The following PHACTR1 variants were observed in gnomAD, a reference collection of about 807,000 sequenced individuals.
The protein encoded by PHACTR1 is phosphatase and actin regulator 1.
A neutral mutation model predicts 69.2 loss-of-function variants in PHACTR1; 16 were observed. The observed-to-expected ratio is 0.23, with a 90% CI of 0.16 to 0.35. PHACTR1 has a LOEUF of 0.35. Ranked by LOEUF, PHACTR1 falls within the 10% of genes least tolerant of loss-of-function variation. The probability of loss-of-function intolerance (pLI) is 1.00; values close to 1 mark genes in which losing one functional copy is unlikely to be tolerated. For synonymous variants in PHACTR1, 312 were observed against 284.5 expected (o/e 1.10, Z -0.97); for missense variants, 510 against 734.7 (o/e 0.69, Z 3.54).
rs374988384 is a variant in PHACTR1 at position 12,809,053 on chromosome 6, T to G, written c.250+59263T>G. ...CCACCACTCCCAGCTAAGTTTTTTT[T>G]GGTGTGTATTTTTTTGTAGAGATGG... On this transcript the variant is annotated intron_variant, in intron 4 of 14. Transcript: ENST00000332995. Among the ~76,000 whole-genome samples, 633 of 152,032 alleles carry G rather than the reference T, an allele frequency of 4.2e-3. 5 individuals carry two copies. The highest frequency in any genetic ancestry group is 0.015 in the African/African-American group (612 of 41,450).
At chr6:12,722,092 A>G (rs1203523499) in intron 3 of PHACTR1, among the ~76,000 whole-genome samples, 2 of 152,206 alleles carry the variant, frequency 1.3e-5, no homozygotes, top group Admixed American at 6.5e-5. Context: ...AAGTAGCCCC[A>G]ATTTGATTAC....
At chr6:12,876,276 C>T (rs1293410982) in intron 4 of PHACTR1, among the ~76,000 whole-genome samples, 3 of 152,166 alleles carry the variant, frequency 2.0e-5, no homozygotes, top group Admixed American at 6.6e-5. Flanking sequence ...GTGCCTGAGA[C>T]TGTTCTAAAT....
rs1390913813 is a variant in PHACTR1 at position 13,283,144 on chromosome 6, A to AT, written c.1510-270dup. Among the ~76,000 whole-genome samples the AT allele has an allele frequency of 7.2e-6, 1 of 138,660 alleles. No homozygotes were observed. The highest frequency in any genetic ancestry group is 3.3e-5 in the African/African-American group (1 of 30,612). 91.0% of individuals were successfully genotyped at this position (138,660 alleles called of 152,430 possible). On this transcript the variant is annotated intron_variant, in intron 12 of 14. Transcript: ENST00000332995. The surrounding 1 kb of genome is among the most constrained non-coding windows in gnomAD (Gnocchi z 4.7). ...GTTTTGAAAATTTACATAATAAAAGATTTTTTTTAAGTTTAAAAAAAAAAA... is the reference window on the plus strand; with the variant it reads ...GTTTTGAAAATTTACATAATAAAAGATTTTTTTTTAAGTTTAAAAAAAAAAA...
intron 4 of PHACTR1, among the ~76,000 whole-genome samples, chr6:12,877,468 G>T (rs1400977895): frequency 6.6e-6 from 1 of 152,076 alleles, no homozygotes; most frequent in African/African-American, 2.4e-5. Context: ...ACATCATCCA[G>T]CCCTAATCAA....
At chr6:13,154,379 TG>T (rs1420350403) in intron 5 of PHACTR1, among the ~76,000 whole-genome samples, 5 of 152,056 alleles carry the variant, frequency 3.3e-5, no homozygotes, top group Non-Finnish European at 7.4e-5. Flanking sequence ...AGGCTGATCT[TG>T]AACTCCTGAC....
intron 11 of PHACTR1, 140 bp from the exon 12 acceptor site, chr6:13,278,128 A>C (rs895011380): frequency 2.8e-6 from 2 of 705,780 alleles, no homozygotes; most frequent in Non-Finnish European, 4.6e-6. Flanking sequence ...GGAGAAGGGC[A>C]GCTGGGGGAG....
rs190596156 is a variant in PHACTR1 at position 12,894,846 on chromosome 6, A to G, written c.250+145056A>G. Reference sequence around the variant, plus strand: ...AAAAGCAAAAATTAAAATCATTTTAATTTCATCACACAGATCTTGATTAAT... The same window carrying G: ...AAAAGCAAAAATTAAAATCATTTTAGTTTCATCACACAGATCTTGATTAAT... On this transcript the variant is annotated intron_variant, in intron 4 of 14. Coordinates refer to ENST00000332995, the MANE Select transcript of PHACTR1 (RefSeq NM_030948.6). Among the ~76,000 whole-genome samples, 5 of 152,356 alleles carry G rather than the reference A, an allele frequency of 3.3e-5. No homozygotes were observed. In the East Asian group the frequency reaches 9.6e-4, roughly 29 times the overall value.
intron 4 of PHACTR1, among the ~76,000 whole-genome samples, chr6:13,000,536 T>G (rs1165176166): frequency 6.9e-6 from 1 of 145,110 alleles, no homozygotes; most frequent in African/African-American, 2.6e-5. Context: ...CGACAGAGTC[T>G]CCAAAAAAAG....
intron 4 of PHACTR1, among the ~76,000 whole-genome samples, chr6:12,985,528 TAAAA>T (rs149850503): frequency 4.4e-4 from 60 of 134,880 alleles, no homozygotes; most frequent in African/African-American, 7.7e-4. Context: ...TACTACAAAT[TAAAA>T]AAAAAAAAAA....
intron 4 of PHACTR1, among the ~76,000 whole-genome samples, chr6:12,782,792 C>A (rs116105404): frequency 6.6e-6 from 1 of 152,020 alleles, no homozygotes; most frequent in African/African-American, 2.4e-5. Flanking sequence ...ACCCTGATTA[C>A]GGGAAATGAG....
rs531182343 is a variant in PHACTR1, at chr6:13,281,277, G to C, written c.1510-2145G>C. 7 of 440,538 alleles carry C rather than the reference G, an allele frequency of 1.6e-5. No homozygotes were observed. The East Asian group carries it at 4.7e-4, about 30-fold the overall frequency. 27.3% of individuals were successfully genotyped at this position (440,538 alleles called of 1,614,324 possible). ...ACTCAGAAAATAACCCTTTGGGCCG[G>C]GCTCGGTGGCTCATATCTGTAATCC... is the stretch of plus-strand genomic sequence containing the variant. On this transcript the variant is annotated intron_variant, in intron 12 of 14. Transcript: ENST00000332995.
chr6:12,958,328 G>A (rs1792164700), intron 4 of PHACTR1, among the ~76,000 whole-genome samples: 1 of 152,238 alleles, frequency 6.6e-6, no homozygotes, highest in Admixed American at 6.5e-5. Flanking sequence ...GAGTCCTGGT[G>A]CCTGCTGAGG....
At chr6:13,166,746 C>A (rs1759865371) in intron 6 of PHACTR1, among the ~76,000 whole-genome samples, 1 of 152,058 alleles carries the variant, frequency 6.6e-6, no homozygotes, top group Admixed American at 6.5e-5. Context: ...GTATAGTCAT[C>A]CCGAGGTATA....
chr6:12,795,101 A>G (rs564394333), intron 4 of PHACTR1, among the ~76,000 whole-genome samples: 1 of 152,302 alleles, frequency 6.6e-6, no homozygotes, highest in African/African-American at 2.4e-5. Context: ...CAGGGGTTCT[A>G]TATTTCTAAC....
intron 4 of PHACTR1, among the ~76,000 whole-genome samples, chr6:12,822,926 C>T (rs1166296874): frequency 1.3e-5 from 2 of 152,134 alleles, no homozygotes; most frequent in Non-Finnish European, 2.9e-5. Flanking sequence ...TCTTCAAGTC[C>T]TCCTTTAACA....
chr6:12,945,754 A>G (rs1582632732), intron 4 of PHACTR1, among the ~76,000 whole-genome samples: 1 of 152,102 alleles, frequency 6.6e-6, no homozygotes, highest in Non-Finnish European at 1.5e-5. Flanking sequence ...ACCTGAGGTC[A>G]GGAGTTCGAG....
chr6:13,051,277 G>A (rs913785114), intron 4 of PHACTR1, among the ~76,000 whole-genome samples: 1 of 152,002 alleles, frequency 6.6e-6, no homozygotes, highest in Admixed American at 6.6e-5. Context: ...TCTATGAGTT[G>A]GTATTTTTAT....
chr6:12,971,336 C>G (rs1794170261), intron 4 of PHACTR1, among the ~76,000 whole-genome samples: 1 of 152,150 alleles, frequency 6.6e-6, no homozygotes, highest in Admixed American at 6.5e-5. Flanking sequence ...TCTTTGATAC[C>G]TGAAGGATGC....
At chr6:12,803,334 C>T (rs1376483540) in intron 4 of PHACTR1, among the ~76,000 whole-genome samples, 1 of 152,172 alleles carries the variant, frequency 6.6e-6, no homozygotes, top group African/African-American at 2.4e-5. Context: ...CCCCTCTCAT[C>T]CTTGCACCTG....
Sources: gnomAD v4.1 joint callset for allele counts (sites outside exome capture counted in the v4.1 genomes callset) on GRCh38, gnomAD v4.1.1 for gene constraint, Gnocchi (gnomAD v3.1) non-coding constraint, MANE v1.5 for transcripts, NCBI Gene and HGNC (gene_info 2026-07-23, HGNC 2026-07-21) for gene names.